R3HDM2: variants seen among roughly 807,000 people sequenced by gnomAD.
R3HDM2 encodes R3H domain-containing protein 2.
In R3HDM2, 38 loss-of-function variants were observed where a neutral mutation model predicts 124.5. The observed-to-expected ratio is 0.31, with a 90% CI of 0.24 to 0.40. The LOEUF (loss-of-function observed/expected upper bound fraction) is 0.40. Ranked by LOEUF, R3HDM2 falls within the 10% of genes least tolerant of loss-of-function variation. R3HDM2 has a pLI of 1.00. For synonymous variants in R3HDM2, 391 were observed against 448.0 expected (o/e 0.87, Z 1.61); for missense variants, 869 against 1,236.9 (o/e 0.70, Z 4.46).
intron 2 of R3HDM2, among the ~76,000 whole-genome samples, chr12:57,337,697 T>C (rs2059036100): frequency 6.6e-6 from 1 of 152,140 alleles, no homozygotes; most frequent in East Asian, 1.9e-4. Context: ...GGTTAGCAGA[T>C]ATAGAAAGAG....
chr12:57,407,882 A>C (rs1275596988), intron 1 of R3HDM2, among the ~76,000 whole-genome samples: 1 of 152,058 alleles, frequency 6.6e-6, no homozygotes, highest in Non-Finnish European at 1.5e-5. Context: ...CTCTCAGCTC[A>C]GCCTCCCACA....
At chr12:57,279,521 G>A (rs933564313) in intron 14 of R3HDM2, among the ~76,000 whole-genome samples, 1 of 150,472 alleles carries the variant, frequency 6.6e-6, no homozygotes, top group African/African-American at 2.4e-5. Flanking sequence ...TAATGACAAT[G>A]GCCAGGCATG....
chr12:57,335,283 C>T (rs531523490), intron 2 of R3HDM2, among the ~76,000 whole-genome samples: 6 of 152,078 alleles, frequency 3.9e-5, no homozygotes, highest in East Asian at 1.9e-4. Flanking sequence ...TCTCAACTCA[C>T]TGCAACCTCT....
chr12:57,364,850 G>A (rs1593976562), intron 2 of R3HDM2, among the ~76,000 whole-genome samples: 2 of 151,574 alleles, frequency 1.3e-5, no homozygotes, highest in East Asian at 3.9e-4. Context: ...CTATTTGGGA[G>A]GCTGAGGCAG....
intron 2 of R3HDM2, among the ~76,000 whole-genome samples, chr12:57,333,325 A>G (rs1477724999): frequency 1.3e-5 from 2 of 152,062 alleles, no homozygotes; most frequent in Non-Finnish European, 1.5e-5. Flanking sequence ...ATTGGAGTAG[A>G]AAAAAAAGAA....
At chr12:57,292,504 T>C (rs1232265690) in intron 11 of R3HDM2, 68 bp downstream of exon 11, 3 of 1,088,108 alleles carry the variant, frequency 2.8e-6, no homozygotes, top group Non-Finnish European at 4.1e-6. Flanking sequence ...GAGGGTTCAT[T>C]CCATTCACAG....
intron 1 of R3HDM2, among the ~76,000 whole-genome samples, chr12:57,402,784 T>C (rs1445347574): frequency 1.3e-5 from 2 of 151,992 alleles, no homozygotes; most frequent in Non-Finnish European, 2.9e-5. Flanking sequence ...AAAAAACTCC[T>C]GGCCTCAAGT....
intron 19 of R3HDM2, among the ~76,000 whole-genome samples, chr12:57,261,535 T>A (rs2040813558): frequency 6.6e-6 from 1 of 151,986 alleles, no homozygotes; most frequent in Non-Finnish European, 1.5e-5. Flanking sequence ...TTATCTCTGC[T>A]CCCAACAAAA....
rs1472339947 is a variant in R3HDM2, at chr12:57,266,813, C to T, written c.2049G>A (p.Leu683=). ...QNGTSPSVGF[L]QPPGSEQYQM... The stretch of plus-strand genomic sequence containing the variant: ...GGTACTGCTCAGAGCCAGGGGGTTG[C>T]AGAAACCCTACAGAAGGGCTGGGAA... The change falls in exon 19 of 24, where the codon CTG becomes CTA. Residue 683 remains leucine, a synonymous_variant. Coordinates refer to ENST00000402412, the MANE Select transcript of R3HDM2 (RefSeq NM_001394031.1). 6.2e-7 allele frequency: 1 copy of T among 1,606,276 alleles called. No homozygotes were observed. Among genetic ancestry groups the T allele is most frequent in the Non-Finnish European group, 8.5e-7 (1 of 1,173,618 alleles).
chr12:57,344,057 A>G (rs2059862290), intron 2 of R3HDM2, among the ~76,000 whole-genome samples: 1 of 152,246 alleles, frequency 6.6e-6, no homozygotes, highest in South Asian at 2.1e-4. Context: ...AAACTTACGT[A>G]TACACATATG....
chr12:57,413,436 A>T (rs1229058565), intron 1 of R3HDM2, among the ~76,000 whole-genome samples: 2 of 150,756 alleles, frequency 1.3e-5, no homozygotes, highest in African/African-American at 4.9e-5. Flanking sequence ...TTTAAAAAAA[A>T]AAAAAAAAAA....
intron 3 of R3HDM2, among the ~76,000 whole-genome samples, chr12:57,307,569 C>T (rs1222728490): frequency 1.3e-5 from 2 of 151,532 alleles, no homozygotes; most frequent in Non-Finnish European, 2.9e-5. Context: ...GATCCACCCG[C>T]CTGGGCCTCC....
chr12:57,385,632 G>A (rs1594278942), intron 2 of R3HDM2, among the ~76,000 whole-genome samples: 1 of 151,564 alleles, frequency 6.6e-6, no homozygotes, highest in East Asian at 2.0e-4. Flanking sequence ...TTGATCCTGA[G>A]AGGTCGAGGC....
At chr12:57,330,465 T>A (rs146974967) in intron 2 of R3HDM2, among the ~76,000 whole-genome samples, 1 of 151,694 alleles carries the variant, frequency 6.6e-6, no homozygotes, top group Non-Finnish European at 1.5e-5. Flanking sequence ...TGCCTCAGCC[T>A]CCTGAGTAGC....
At chr12:57,374,346 T>C (rs1433001689) in intron 2 of R3HDM2, among the ~76,000 whole-genome samples, 2 of 150,798 alleles carry the variant, frequency 1.3e-5, no homozygotes, top group East Asian at 3.9e-4. Flanking sequence ...TGATGAATAG[T>C]GTGTGGCTGG....
chr12:57,417,299 C>T (rs144336467), intron 1 of R3HDM2, among the ~76,000 whole-genome samples: 14 of 149,446 alleles, frequency 9.4e-5, no homozygotes, highest in African/African-American at 3.2e-4. Flanking sequence ...GCAGGAGAAT[C>T]GATTGAGCCC....
At chr12:57,407,641 G>A (rs1003463115) in intron 1 of R3HDM2, among the ~76,000 whole-genome samples, 8 of 151,940 alleles carry the variant, frequency 5.3e-5, no homozygotes, top group Non-Finnish European at 1.0e-4. Flanking sequence ...TCCTGACCTC[G>A]TGATCCACCC....
At position 57,254,478 on chromosome 12, in the gene R3HDM2, G is replaced by A. The variant is rs2038299756; in HGVS notation, c.*295C>T. ...ATCGTGCTACTGCACTCCAGCTGGG[G>A]TGACAAGAGCGAAACTCCGTCTCAA... On this transcript the variant is annotated 3_prime_UTR_variant, in exon 24 of 24. Coordinates refer to ENST00000402412, the MANE Select transcript of R3HDM2 (RefSeq NM_001394031.1). The A allele has an allele frequency of 3.4e-6, 1 of 294,230 alleles. No individual in the cohort carries two copies. Among genetic ancestry groups the A allele is most frequent in the Non-Finnish European group, 6.3e-6 (1 of 159,798 alleles). The allele number at this position is 294,230 out of a possible 1,614,324, so 18.2% of individuals were successfully genotyped here. A position where few individuals can be genotyped will look rare whatever the true frequency, so the allele number is the denominator to read the frequency against.
chr12:57,297,797 C>G (rs897438060), intron 7 of R3HDM2: 1 of 381,988 alleles, frequency 2.6e-6, no homozygotes. Flanking sequence ...GCTCTTCTTA[C>G]TATCACTCCC....
Sources: gnomAD v4.1 joint callset for allele counts (sites outside exome capture counted in the v4.1 genomes callset) on GRCh38, gnomAD v4.1.1 for gene constraint, MANE v1.5 for transcripts, NCBI Gene and HGNC (gene_info 2026-07-23, HGNC 2026-07-21) for gene names.